The following KIAA0586 variants were observed in gnomAD, a reference collection of about 807,000 sequenced individuals.
The protein encoded by KIAA0586 is KIAA0586, also known as protein TALPID3.
A neutral mutation model predicts 169.8 loss-of-function variants in KIAA0586; 144 were observed. That is an observed-to-expected ratio of 0.85 (90% CI 0.74 to 0.97). The LOEUF (loss-of-function observed/expected upper bound fraction) is 0.97. KIAA0586 is among the 50% of genes least tolerant of loss of function. The pLI, the probability that KIAA0586 is intolerant of heterozygous loss-of-function variation, is 0.00. For synonymous variants in KIAA0586, 625 were observed against 612.4 expected (o/e 1.02, Z -0.30); for missense variants, 1,854 against 1,823.0 (o/e 1.02, Z -0.31).
chr14:58,527,396 A>G (rs2045661206), intron 29 of KIAA0586, among the ~76,000 whole-genome samples: 1 of 152,220 alleles, frequency 6.6e-6, no homozygotes, highest in African/African-American at 2.4e-5. Flanking sequence ...CTCAAGACAC[A>G]TAATCGTCAG....
intron 5 of KIAA0586, among the ~76,000 whole-genome samples, chr14:58,443,513 C>G (rs748830353): frequency 1.3e-5 from 2 of 152,180 alleles, no homozygotes; most frequent in African/African-American, 2.4e-5. Context: ...ACCTCCGCCT[C>G]CTGGGTTCAC....
intron 14 of KIAA0586, among the ~76,000 whole-genome samples, chr14:58,462,231 T>C (rs1296986830): frequency 2.0e-5 from 3 of 149,520 alleles, no homozygotes. Context: ...TTTTCTCTTA[T>C]TTAGTGTAGT....
chr14:58,435,329 C>T (rs1397818471), intron 4 of KIAA0586, among the ~76,000 whole-genome samples: 5 of 152,116 alleles, frequency 3.3e-5, no homozygotes, highest in Non-Finnish European at 7.4e-5. Flanking sequence ...CCCATATCTT[C>T]TTAATTTTTT....
chr14:58,470,515 G>A lies in KIAA0586; in HGVS notation c.2443-98G>A. On this transcript the variant is annotated intron_variant, in intron 16 of 30. Transcript: ENST00000652326. ...GGGCATGCTTTGTTTTTATGTATATGTGTATACACACACACATATACATGT... is the reference window on the plus strand; with the variant it reads ...GGGCATGCTTTGTTTTTATGTATATATGTATACACACACACATATACATGT... The A allele has an allele frequency of 5.1e-6, 3 of 583,926 alleles. No individual in the cohort carries two copies. The South Asian group carries it at 1.0e-4, about 20-fold the overall frequency. The allele number at this position is 583,926 out of a possible 1,614,324, so 36.2% of individuals were successfully genotyped here.
intron 4 of KIAA0586, among the ~76,000 whole-genome samples, chr14:58,436,824 G>A (rs1315711169): frequency 6.6e-6 from 1 of 152,102 alleles, no homozygotes; most frequent in Non-Finnish European, 1.5e-5. Context: ...ATATTATAAT[G>A]TACTCTAAAG....
chr14:58,499,911 G>A (rs1348036368), intron 27 of KIAA0586, among the ~76,000 whole-genome samples: 1 of 152,166 alleles, frequency 6.6e-6, no homozygotes, highest in Non-Finnish European at 1.5e-5. Flanking sequence ...CATGAAAATT[G>A]ACATAACAGA....
intron 16 of KIAA0586, among the ~76,000 whole-genome samples, chr14:58,468,533 A>G (rs1416690549): frequency 6.6e-6 from 1 of 152,248 alleles, no homozygotes; most frequent in East Asian, 1.9e-4. Flanking sequence ...TATATAATTA[A>G]TACTTCAAAC....
Position 58,472,193 on chromosome 14 carries a change from T to A in KIAA0586, c.2554-6T>A, listed in dbSNP as rs1175486221. On this transcript the variant is annotated splice_region_variant and splice_polypyrimidine_tract_variant and intron_variant, in intron 17 of 30. Transcript: ENST00000652326. ...CAACAAAAACTTTCTGAAAATGCTTTCTTAGACTCCAGAAATTATGAAGGT... is the reference window on the plus strand; with the variant it reads ...CAACAAAAACTTTCTGAAAATGCTTACTTAGACTCCAGAAATTATGAAGGT... 5.2e-6 allele frequency: 8 copies of A among 1,537,418 alleles called. No individual in the cohort carries two copies. The highest frequency in any genetic ancestry group is 7.0e-6 in the Non-Finnish European group (8 of 1,140,274).
chr14:58,463,439 A>T (rs1043702811), intron 14 of KIAA0586, among the ~76,000 whole-genome samples: 21 of 152,244 alleles, frequency 1.4e-4, no homozygotes, highest in African/African-American at 5.1e-4. Context: ...CTTAAGAAAA[A>T]TATTCATTCA....
At chr14:58,444,249 ATT>A in intron 6 of KIAA0586, 74 bp downstream of exon 6, 1 of 912,620 alleles carries the variant, frequency 1.1e-6, no homozygotes, top group East Asian at 2.6e-5. Flanking sequence ...TTCATTGATA[ATT>A]ACAGTAGCTC....
chr14:58,450,027 T>C (rs1275631170), intron 7 of KIAA0586, among the ~76,000 whole-genome samples: 3 of 152,214 alleles, frequency 2.0e-5, no homozygotes, highest in Non-Finnish European at 1.5e-5. Flanking sequence ...TTTTATATAG[T>C]TGTCTTCATA....
chr14:58,443,616 G>T (rs1273788003), intron 5 of KIAA0586, among the ~76,000 whole-genome samples: 3 of 152,066 alleles, frequency 2.0e-5, no homozygotes, highest in Admixed American at 1.3e-4. Context: ...TAGAGATGGG[G>T]GTTTCACCGT....
intron 27 of KIAA0586, among the ~76,000 whole-genome samples, chr14:58,501,465 A>T (rs1230405550): frequency 6.6e-6 from 1 of 152,210 alleles, no homozygotes; most frequent in Admixed American, 6.5e-5. Flanking sequence ...GCTACTAGGT[A>T]TCTGAGAGCA....
intron 26 of KIAA0586, among the ~76,000 whole-genome samples, chr14:58,497,415 A>G (rs2043230777): frequency 6.7e-6 from 1 of 150,248 alleles, no homozygotes; most frequent in Non-Finnish European, 1.5e-5. Flanking sequence ...GCTGGAGTTC[A>G]GTGGCTCAGT....
At chr14:58,444,891 A>G (rs991204883) in intron 6 of KIAA0586, among the ~76,000 whole-genome samples, 1 of 134,944 alleles carries the variant, frequency 7.4e-6, no homozygotes, top group Non-Finnish European at 1.6e-5. Flanking sequence ...AGCCTGGTTG[A>G]TGTAGCAAGA....
Position 58,427,759 on chromosome 14 carries a change from C to T in KIAA0586, c.-506C>T, listed in dbSNP as rs559305808. 2.6e-6 allele frequency: 4 copies of T among 1,530,920 alleles called. No individual in the cohort carries two copies. In the African/African-American group the frequency reaches 4.1e-5, roughly 16 times the overall value. 94.8% of individuals were successfully genotyped at this position (1,530,920 alleles called of 1,614,324 possible). A position where few individuals can be genotyped will look rare whatever the true frequency, so the allele number is the denominator to read the frequency against. On this transcript the variant is annotated 5_prime_UTR_variant, in exon 1 of 31. Coordinates refer to ENST00000652326, the MANE Select transcript of KIAA0586 (RefSeq NM_001329943.3). The stretch of plus-strand genomic sequence containing the variant: ...CACCCACGACGGTGCGGGTCTCGGG[C>T]GTTCTGGAGATACGTAGGGGTGAAT...
At chr14:58,560,518 A>G in the KIAA0586 span, among the ~76,000 whole-genome samples, 1,290 of 152,322 alleles carry the variant, frequency 8.5e-3, 22 homozygotes, top group African/African-American at 0.028. Flanking sequence ...AGTCCATTGA[A>G]AATGTGTTAA....
intron 19 of KIAA0586, among the ~76,000 whole-genome samples, chr14:58,475,345 G>A (rs1446588976): frequency 2.6e-5 from 4 of 152,130 alleles, no homozygotes; most frequent in African/African-American, 9.7e-5. Flanking sequence ...TTGATGATCT[G>A]AGGTGAAACA....
intron 29 of KIAA0586, chr14:58,521,527 G>A (rs1409471704): frequency 1.3e-6 from 1 of 787,656 alleles, no homozygotes; most frequent in East Asian, 2.8e-5. Context: ...TCCTCCTATT[G>A]CTCGGGCTGT....
Sources: allele counts gnomAD v4.1 joint callset (sites outside exome capture counted in the v4.1 genomes callset), GRCh38; gene constraint gnomAD v4.1.1; transcripts MANE v1.5; gene names NCBI Gene and HGNC (gene_info 2026-07-23, HGNC 2026-07-21).